The following PICALM variants were observed in gnomAD, a reference collection of about 807,000 sequenced individuals.
PICALM encodes the protein phosphatidylinositol-binding clathrin assembly protein.
PICALM carries 40 observed loss-of-function variants against 80.5 expected under a neutral mutation model. The ratio of observed to expected loss-of-function variants is 0.50; its 90% CI spans 0.39 to 0.65. PICALM has a LOEUF of 0.65. Among genes scored for constraint, PICALM ranks in the 30% least tolerant of loss-of-function variants. PICALM has a pLI of 0.00. For synonymous variants in PICALM, 288 were observed against 260.3 expected (o/e 1.11, Z -1.02); for missense variants, 676 against 778.9 (o/e 0.87, Z 1.57).
chr11:86,022,695 A>T (rs1037492744), intron 3 of PICALM, among the ~76,000 whole-genome samples: 8 of 148,982 alleles, frequency 5.4e-5, no homozygotes, highest in East Asian at 3.9e-4. Context: ...ATGTAGTTTT[A>T]AAAAAAAAAC....
At chr11:86,027,695 A>T (rs1815019041) in intron 2 of PICALM, among the ~76,000 whole-genome samples, 1 of 151,854 alleles carries the variant, frequency 6.6e-6, no homozygotes, top group Non-Finnish European at 1.5e-5. Context: ...TTTTAAAAAA[A>T]TTTTTTGTAG....
At chr11:85,966,008 G>T (rs1038333536) in intron 19 of PICALM, among the ~76,000 whole-genome samples, 6 of 151,544 alleles carry the variant, frequency 4.0e-5, no homozygotes, top group African/African-American at 1.5e-4. Flanking sequence ...GTAGAGACAG[G>T]GTTTCACCAT....
intron 1 of PICALM, among the ~76,000 whole-genome samples, chr11:86,059,012 T>G (rs1301893191): frequency 1.3e-5 from 2 of 152,228 alleles, no homozygotes; most frequent in Non-Finnish European, 2.9e-5. Flanking sequence ...CTACCTTGTA[T>G]CTAAACAAAA....
At chr11:85,992,907 T>C (rs1016469135) in intron 12 of PICALM, among the ~76,000 whole-genome samples, 3 of 152,198 alleles carry the variant, frequency 2.0e-5, no homozygotes, top group Non-Finnish European at 4.4e-5. Context: ...ATTAGATCAA[T>C]CAGATAAGGA....
At chr11:86,041,378 C>G (rs186494533) in intron 1 of PICALM, among the ~76,000 whole-genome samples, 1 of 152,130 alleles carries the variant, frequency 6.6e-6, no homozygotes, top group Admixed American at 6.5e-5. Flanking sequence ...ATTCCTCCTC[C>G]TGCCACTATA....
chr11:86,020,424 GAAAAAAAAAA>G (rs34312370), intron 4 of PICALM, among the ~76,000 whole-genome samples: 1 of 94,250 alleles, frequency 1.1e-5, no homozygotes, highest in Non-Finnish European at 2.1e-5. Flanking sequence ...ACAATCTTGG[GAAAAAAAAAA>G]AAAAAAAAAG....
intron 1 of PICALM, among the ~76,000 whole-genome samples, chr11:86,038,252 G>A (rs778147969): frequency 1.4e-4 from 22 of 152,092 alleles, no homozygotes; most frequent in Admixed American, 3.9e-4. Flanking sequence ...CCCAGGAGGC[G>A]GAGGTAAAAG....
chr11:86,022,536 C>A, intron 3 of PICALM, 67 bp from the exon 4 acceptor site: 2 of 788,224 alleles, frequency 2.5e-6, no homozygotes, highest in East Asian at 2.8e-5. Context: ...ACTAAAAATC[C>A]CAATATGCCT....
intron 1 of PICALM, among the ~76,000 whole-genome samples, chr11:86,043,730 G>C (rs1409645146): frequency 6.6e-6 from 1 of 152,132 alleles, no homozygotes; most frequent in Non-Finnish European, 1.5e-5. Context: ...AGAAGTAAGG[G>C]TAACAGCGAA....
chr11:85,983,600 T>C (rs1239448855), intron 14 of PICALM, among the ~76,000 whole-genome samples: 1 of 152,176 alleles, frequency 6.6e-6, no homozygotes, highest in Non-Finnish European at 1.5e-5. Context: ...ACAAGCAACT[T>C]AGCATTCTAC....
intron 1 of PICALM, among the ~76,000 whole-genome samples, chr11:86,067,899 A>G (rs1041037743): frequency 2.6e-5 from 4 of 151,230 alleles, no homozygotes; most frequent in African/African-American, 9.7e-5. Context: ...ATTCCACCAG[A>G]GGCAAATAAA....
In PICALM at chr11:86,007,601, T is replaced by C. The variant is rs749370761; in HGVS notation, c.766-18A>G. On this transcript the variant is annotated intron_variant, in intron 7 of 19. Coordinates refer to ENST00000393346, the MANE Select transcript of PICALM (RefSeq NM_007166.4). ...CCAACTTGCTGTAAGAAAAGCATTG[T>C]ATTTAATAAATTATAATAAAAATAT... 1 of 1,256,102 alleles carries C rather than the reference T, an allele frequency of 8.0e-7. No homozygotes were observed. The highest frequency in any genetic ancestry group is 2.1e-5 in the Admixed American group (1 of 48,010). The allele number at this position is 1,256,102 out of a possible 1,614,324, so 77.8% of individuals were successfully genotyped here. A position where few individuals can be genotyped will look rare whatever the true frequency, so the allele number is the denominator to read the frequency against.
At chr11:85,959,687 C>G (rs1029609015) in intron 19 of PICALM, among the ~76,000 whole-genome samples, 9 of 147,328 alleles carry the variant, frequency 6.1e-5, no homozygotes, top group African/African-American at 2.3e-4. Context: ...TCAAGCAACC[C>G]TCCTGCCTCA....
chr11:86,052,277 G>C (rs12270433), intron 1 of PICALM, among the ~76,000 whole-genome samples: 3,883 of 152,086 alleles, frequency 0.026, 171 homozygotes, highest in African/African-American at 0.089. Context: ...TGCCATAATT[G>C]TAAGTTTCCT....
intron 7 of PICALM, among the ~76,000 whole-genome samples, chr11:86,010,486 C>A (rs898243111): frequency 2.5e-4 from 38 of 152,266 alleles, no homozygotes; most frequent in Admixed American, 2.3e-3. Flanking sequence ...GCCTCCATGA[C>A]TGGCTAATTT....
chr11:86,043,020 C>T (rs570789940), intron 1 of PICALM, among the ~76,000 whole-genome samples: 2 of 152,298 alleles, frequency 1.3e-5, no homozygotes, highest in South Asian at 4.1e-4. Flanking sequence ...CCTGGTTTTG[C>T]TGGAACAGTC....
At chr11:86,023,559 A>T (rs2095601588) in intron 3 of PICALM, 1 of 984,980 alleles carries the variant, frequency 1.0e-6, no homozygotes, top group African/African-American at 1.7e-5. Flanking sequence ...AAAAGAGTGA[A>T]ATTATTAACA....
At chr11:85,990,670 A>G (rs1457741976) in intron 12 of PICALM, among the ~76,000 whole-genome samples, 1 of 152,190 alleles carries the variant, frequency 6.6e-6, no homozygotes, top group East Asian at 1.9e-4. Flanking sequence ...AATAATAACC[A>G]AGATGTTTCT....
intron 19 of PICALM, among the ~76,000 whole-genome samples, chr11:85,968,008 CT>C (rs1474421405): frequency 6.6e-6 from 1 of 152,154 alleles, no homozygotes; most frequent in African/African-American, 2.4e-5. Flanking sequence ...GGCAGTCCTC[CT>C]TTAAAAAAAG....
Sources: gnomAD v4.1 joint callset for allele counts (sites outside exome capture counted in the v4.1 genomes callset) on GRCh38, gnomAD v4.1.1 for gene constraint, MANE v1.5 for transcripts, NCBI Gene and HGNC (gene_info 2026-07-23, HGNC 2026-07-21) for gene names.